Variants in PCDHGB4 observed in about 807,000 individuals in gnomAD.
PCDHGB4 encodes protocadherin gamma-B4.
PCDHGB4 carries 38 observed loss-of-function variants against 60.5 expected under a neutral mutation model. The ratio of observed to expected loss-of-function variants is 0.63; its 90% CI spans 0.48 to 0.82. The LOEUF is 0.82. Among genes scored for constraint, PCDHGB4 ranks in the 40% least tolerant of loss-of-function variants. The probability of loss-of-function intolerance (pLI) is 0.00; values close to 1 mark genes in which losing one functional copy is unlikely to be tolerated. For missense variants in PCDHGB4, 1,109 were observed against 1,209.6 expected (o/e 0.92, Z 1.23); for synonymous variants, 456 against 509.7 (o/e 0.89, Z 1.42).
chr5:141,388,083 C>G lies in PCDHGB4; in HGVS notation c.199C>G (p.Arg67Gly). The change falls in exon 1 of 4, where the codon CGC (arginine) becomes GGC (glycine). Residue 67 changes from arginine to glycine, a missense_variant. Coordinates refer to ENST00000519479, the MANE Select transcript of PCDHGB4 (RefSeq NM_003736.4). ...SVQELPTRKLRVSSEKPYFTV... is the reference protein window; with the variant it reads ...SVQELPTRKLGVSSEKPYFTV... Reference sequence around the variant, plus strand: ...CCAGGAGTTACCGACTCGAAAACTGCGCGTCAGTTCGGAGAAGCCTTACTT... The same window carrying G: ...CCAGGAGTTACCGACTCGAAAACTGGGCGTCAGTTCGGAGAAGCCTTACTT... 6.6e-6 allele frequency: 9 copies of G among 1,358,266 alleles called. No homozygotes were observed. Among genetic ancestry groups the G allele is most frequent in the Non-Finnish European group, 9.1e-6 (9 of 985,976 alleles). The allele number at this position is 1,358,266 out of a possible 1,614,324, so 84.1% of individuals were successfully genotyped here. A position where few individuals can be genotyped will look rare whatever the true frequency, so the allele number is the denominator to read the frequency against.
At position 141,448,827 on chromosome 5, in the gene PCDHGB4, C is replaced by T. The variant is rs540550537; in HGVS notation, c.2398-45980C>T. ...AGGCGTGATGGCGGGCGCCTGTAGT[C>T]CCAGCTACTCTGGAGGCTGAGGCAG... On this transcript the variant is annotated intron_variant, in intron 1 of 3. Transcript: ENST00000519479. Among the ~76,000 whole-genome samples the T allele has an allele frequency of 1.6e-4, 25 of 152,108 alleles. No homozygotes were observed. In the South Asian group the frequency reaches 4.2e-3, roughly 25 times the overall value.
chr5:141,451,497 G>T (rs2098717489), intron 1 of PCDHGB4, among the ~76,000 whole-genome samples: 1 of 152,214 alleles, frequency 6.6e-6, no homozygotes, highest in Admixed American at 6.5e-5. Flanking sequence ...CCTCCATAGG[G>T]CAACCAGCTT....
rs1023379892 is a variant in PCDHGB4 at position 141,475,927 on chromosome 5, G to T, written c.2398-18880G>T. 1.3e-4 allele frequency: 80 copies of T among 628,362 alleles called. No individual in the cohort carries two copies. In the African/African-American group the frequency reaches 1.4e-3, roughly 11 times the overall value. The allele number at this position is 628,362 out of a possible 1,614,324, so 38.9% of individuals were successfully genotyped here. ...CGGCCAATGAAGACGCTGGAGATCG[G>T]GCCCCTGCCCGTCCCCTTTCTGCGC... On this transcript the variant is annotated intron_variant, in intron 1 of 3. Coordinates refer to ENST00000519479, the MANE Select transcript of PCDHGB4 (RefSeq NM_003736.4).
At position 141,389,539 on chromosome 5, in the gene PCDHGB4, A is replaced by G. The variant is rs762558713; in HGVS notation, c.1655A>G (p.Asp552Gly). Residue 552 changes from aspartate (D) to glycine (G), a missense_variant, in exon 1 of 4, where the codon GAC (aspartate) becomes GGC (glycine). Around this residue, in one of 2 missense-constraint regions of PCDHGB4, gnomAD observed 1,068 missense variants for 1,089.9 expected, o/e 0.98. Coordinates refer to ENST00000519479, the MANE Select transcript of PCDHGB4 (RefSeq NM_003736.4). ...GTGAGCCTGCGCGTGTTAGTGGACG[A>G]CCGCAACGACAATGCGCCACGGGTG... ...ANVSLRVLVD[D>G]RNDNAPRVLY... 6.2e-7 allele frequency: 1 copy of G among 1,613,218 alleles called. No homozygotes were observed. Among genetic ancestry groups the G allele is most frequent in the Non-Finnish European group, 8.5e-7 (1 of 1,179,768 alleles).
At chr5:141,428,019 G>C in intron 1 of PCDHGB4, 1 of 1,604,824 alleles carries the variant, frequency 6.2e-7, no homozygotes, top group Non-Finnish European at 8.5e-7. Flanking sequence ...AGTGCCACGC[G>C]CCGCAGAGTC....
At chr5:141,475,828 C>T (rs1319658902) in intron 1 of PCDHGB4, 1 of 387,614 alleles carries the variant, frequency 2.6e-6, no homozygotes, top group Admixed American at 4.3e-5. Context: ...GGCGCTAGCG[C>T]GTGTCCTGCT....
chr5:141,410,118 G>T (rs2095358965), intron 1 of PCDHGB4: 3 of 1,612,304 alleles, frequency 1.9e-6, no homozygotes, highest in East Asian at 4.5e-5. Context: ...GACGCAGCCC[G>T]CCAGCGCCTG....
chr5:141,399,910 G>C, intron 1 of PCDHGB4: 1 of 1,612,438 alleles, frequency 6.2e-7, no homozygotes, highest in Non-Finnish European at 8.5e-7. Context: ...CGCAGACTCA[G>C]GACACAACGC....
intron 1 of PCDHGB4, chr5:141,393,109 G>C (rs2092681202): frequency 1.2e-6 from 2 of 1,613,430 alleles, no homozygotes; most frequent in Non-Finnish European, 1.7e-6. Context: ...TGCGCTCAGA[G>C]CCCGCGGTGT....
chr5:141,470,488 T>A (rs2099231812), intron 1 of PCDHGB4, among the ~76,000 whole-genome samples: 2 of 152,234 alleles, frequency 1.3e-5, no homozygotes, highest in South Asian at 4.1e-4. Flanking sequence ...CCTCTGGGAA[T>A]AATATTAGGT....
intron 3 of PCDHGB4, among the ~76,000 whole-genome samples, chr5:141,510,691 T>C (rs1013489554): frequency 4.6e-5 from 7 of 152,138 alleles, no homozygotes; most frequent in African/African-American, 1.7e-4. Flanking sequence ...GGAGGTTAGG[T>C]AGACTTGCCC....
At chr5:141,419,152 G>A (rs2096335735) in intron 1 of PCDHGB4, 25 of 1,613,916 alleles carry the variant, frequency 1.5e-5, no homozygotes, top group East Asian at 4.5e-5. Context: ...GCAAGCCTCC[G>A]TTATCCTCCA....
intron 1 of PCDHGB4, chr5:141,409,529 G>A: frequency 6.2e-7 from 1 of 1,613,962 alleles, no homozygotes; most frequent in Middle Eastern, 1.6e-4. Context: ...CTTGTATGTC[G>A]CTGACATCAA....
At position 141,490,776 on chromosome 5, in the gene PCDHGB4, G is replaced by A. The variant is rs1234115299; in HGVS notation, c.2398-4031G>A. 4.3e-6 allele frequency: 7 copies of A among 1,614,162 alleles called. No individual in the cohort carries two copies. Among genetic ancestry groups the A allele is most frequent in the African/African-American group, 1.3e-5 (1 of 75,066 alleles). On this transcript the variant is annotated intron_variant, in intron 1 of 3. Transcript: ENST00000519479. This position sits in a 1 kb window ranked among gnomAD's most constrained non-coding sequence, Gnocchi z 5.4. ...CCTCCTTTGTGTATGTCAACCCAGA[G>A]GATGGACGGATCTTTGCCCAGCGTA...
At chr5:141,393,622 A>G (rs776047060) in intron 1 of PCDHGB4, 2 of 1,613,960 alleles carry the variant, frequency 1.2e-6, no homozygotes, top group Non-Finnish European at 1.7e-6. Flanking sequence ...AGCGACCCGG[A>G]TGAGGGAATC....
intron 1 of PCDHGB4, chr5:141,416,429 G>A (rs952059043): frequency 1.3e-5 from 2 of 152,144 alleles, no homozygotes; most frequent in African/African-American, 4.8e-5. Flanking sequence ...AGTGACTAAG[G>A]CTGAAAGTAA....
chr5:141,478,249 A>T, intron 1 of PCDHGB4: 1 of 1,614,110 alleles, frequency 6.2e-7, no homozygotes, highest in African/African-American at 1.3e-5. Context: ...CAGTGTTCGG[A>T]GTAATCATAT....
At chr5:141,457,063 G>A (rs1477613746) in intron 1 of PCDHGB4, among the ~76,000 whole-genome samples, 1 of 152,104 alleles carries the variant, frequency 6.6e-6, no homozygotes, top group East Asian at 1.9e-4. Context: ...CTTCCTTTTT[G>A]CCAGTAACTA....
chr5:141,438,308 C>G (rs2097949954), intron 1 of PCDHGB4, among the ~76,000 whole-genome samples: 1 of 151,766 alleles, frequency 6.6e-6, no homozygotes, highest in Non-Finnish European at 1.5e-5. Context: ...GAAGTTGGTA[C>G]CACCATAATT....
Sources: gnomAD v4.1 joint callset for allele counts (sites outside exome capture counted in the v4.1 genomes callset) on GRCh38, gnomAD v4.1.1 for gene constraint, gnomAD v4.1.1 regional missense constraint, Gnocchi (gnomAD v3.1) non-coding constraint, MANE v1.5 for transcripts, NCBI Gene and HGNC (gene_info 2026-07-23, HGNC 2026-07-21) for gene names.